OCIAD1: variants seen among roughly 807,000 people sequenced by gnomAD.
OCIAD1 encodes OCIA domain containing 1.
In OCIAD1, 29 loss-of-function variants were observed where a neutral mutation model predicts 38.9. The ratio of observed to expected loss-of-function variants is 0.74; its 90% CI spans 0.55 to 1.02. The LOEUF is 1.02. OCIAD1 is among the 50% of genes least tolerant of loss of function. The pLI is 0.00. For synonymous variants in OCIAD1, 110 were observed against 92.0 expected (o/e 1.20, Z -1.12); for missense variants, 288 against 289.6 (o/e 0.99, Z 0.04).
intron 6 of OCIAD1, among the ~76,000 whole-genome samples, chr4:48,851,168 G>GA (rs1417193216): frequency 6.6e-6 from 1 of 152,170 alleles, no homozygotes; most frequent in Non-Finnish European, 1.5e-5. Flanking sequence ...ATTGACATGG[G>GA]AAACGGGCAT....
At position 48,832,648 on chromosome 4, in the gene OCIAD1, A is replaced by G. The variant is rs1342180691; in HGVS notation, c.24A>G (p.Arg8=). 10 of 1,613,346 alleles carry G rather than the reference A, an allele frequency of 6.2e-6. No homozygotes were observed. Among genetic ancestry groups the G allele is most frequent in the Non-Finnish European group, 8.5e-6 (10 of 1,179,404 alleles). The change falls in exon 2 of 9, where the codon CGA becomes CGG. Residue 8 remains arginine, a synonymous_variant. Coordinates refer to ENST00000264312, the MANE Select transcript of OCIAD1 (RefSeq NM_017830.4). ...AGATGAATGGGAGGGCTGATTTTCG[A>G]GAGCCGAATGCAGAGGTTCCAAGAC... MNGRADF[R]EPNAEVPRPI...
chr4:48,809,274 C>A (rs896717419), intron 1 of OCIAD1, among the ~76,000 whole-genome samples: 8 of 152,316 alleles, frequency 5.3e-5, no homozygotes, highest in Admixed American at 5.2e-4. Context: ...GTAATCCCAG[C>A]ATTTTGGGAG....
At chr4:48,850,336 G>T (rs1779327874) in intron 6 of OCIAD1, among the ~76,000 whole-genome samples, 1 of 152,168 alleles carries the variant, frequency 6.6e-6, no homozygotes, top group South Asian at 2.1e-4. Context: ...CTAGCTCACT[G>T]CAGCCTCAAA....
upstream of OCIAD1, among the ~76,000 whole-genome samples, chr4:48,829,586 G>T (rs1381990794): frequency 6.6e-6 from 1 of 152,084 alleles, no homozygotes; most frequent in African/African-American, 2.4e-5. Flanking sequence ...GAGTGACTGG[G>T]GTGCCATGTT....
intron 8 of OCIAD1, among the ~76,000 whole-genome samples, chr4:48,857,883 G>T (rs1780216489): frequency 6.6e-6 from 1 of 152,156 alleles, no homozygotes; most frequent in East Asian, 1.9e-4. Flanking sequence ...GCCAGGTGTG[G>T]TGTCTCATGC....
intron 3 of OCIAD1, among the ~76,000 whole-genome samples, chr4:48,837,866 A>AT (rs1329178838): frequency 6.6e-6 from 1 of 152,154 alleles, no homozygotes; most frequent in Non-Finnish European, 1.5e-5. Flanking sequence ...AACAATCTAA[A>AT]TAGCTGTGAC....
Position 48,858,314 on chromosome 4 carries a change from T to TA in OCIAD1, c.700+950dup, listed in dbSNP as rs568010179. On this transcript the variant is annotated intron_variant, in intron 8 of 8. Coordinates refer to ENST00000264312, the MANE Select transcript of OCIAD1 (RefSeq NM_017830.4). ...TCTGATAGTCTTATTTTCCTAATGA[T>TA]ACATCTATCGCATAAGTTGCTGTAG... Among the ~76,000 whole-genome samples, 15 of 152,354 alleles carry TA rather than the reference T, an allele frequency of 9.8e-5. No individual in the cohort carries two copies. The South Asian group carries it at 2.7e-3, about 27-fold the overall frequency.
At position 48,860,713 on chromosome 4, in the gene OCIAD1, CT is replaced by C. The variant is rs1560446229; in HGVS notation, c.701-6del. 5.1e-6 allele frequency: 8 copies of C among 1,570,820 alleles called. No individual in the cohort carries two copies. The highest frequency in any genetic ancestry group is 7.0e-6 in the Non-Finnish European group (8 of 1,142,546). Reference sequence around the variant, plus strand: ...TGCTTGGAATCATCAATTATTTATGCTTTTTTCCTAGTCAAAGTAAACAAGT... The same window carrying C: ...TGCTTGGAATCATCAATTATTTATGCTTTTTCCTAGTCAAAGTAAACAAGT... On this transcript the variant is annotated splice_polypyrimidine_tract_variant and intron_variant, in intron 8 of 8. Transcript: ENST00000264312.
chr4:48,809,971 G>A (rs1263111299), intron 1 of OCIAD1, among the ~76,000 whole-genome samples: 2 of 152,146 alleles, frequency 1.3e-5, no homozygotes, highest in Non-Finnish European at 2.9e-5. Flanking sequence ...CTAGCTCTGT[G>A]ACATTGAGTG....
At chr4:48,813,577 C>T (rs1021762905) in intron 1 of OCIAD1, among the ~76,000 whole-genome samples, 9 of 152,158 alleles carry the variant, frequency 5.9e-5, no homozygotes, top group East Asian at 1.9e-4. Context: ...TCACTTGAGC[C>T]GGGGAGGTGG....
intron 7 of OCIAD1, 137 bp from the exon 8 acceptor site, chr4:48,857,076 G>A (rs1227253692): frequency 4.8e-6 from 2 of 418,570 alleles, no homozygotes; most frequent in Non-Finnish European, 8.6e-6. Flanking sequence ...TATAGTACCT[G>A]TGAAATGGTG....
intron 3 of OCIAD1, among the ~76,000 whole-genome samples, chr4:48,838,837 A>G (rs1238231838): frequency 1.3e-5 from 2 of 152,178 alleles, no homozygotes; most frequent in Non-Finnish European, 2.9e-5. Flanking sequence ...CCTTAAGATA[A>G]CTATGTTTCT....
chr4:48,843,103 A>C (rs897346222), intron 4 of OCIAD1, among the ~76,000 whole-genome samples: 1 of 152,208 alleles, frequency 6.6e-6, no homozygotes, highest in African/African-American at 2.4e-5. Context: ...GCTTTGTCTG[A>C]TCACCTGGGG....
upstream of OCIAD1, among the ~76,000 whole-genome samples, chr4:48,827,788 G>A (rs1777264888): frequency 1.3e-5 from 2 of 152,238 alleles, no homozygotes; most frequent in Admixed American, 6.5e-5. Context: ...TGGGACTGGC[G>A]GGTAGCTCCA....
chr4:48,806,421 T>C (rs1160000240), intron 1 of OCIAD1, among the ~76,000 whole-genome samples: 1 of 152,192 alleles, frequency 6.6e-6, no homozygotes. Context: ...GATTTTTTTT[T>C]CTTTTTCTCT....
At chr4:48,814,534 C>T (rs1275843863) in intron 1 of OCIAD1, among the ~76,000 whole-genome samples, 2 of 151,938 alleles carry the variant, frequency 1.3e-5, no homozygotes, top group East Asian at 3.9e-4. Context: ...ACAACAGCAT[C>T]GATTAGAGCT....
intron 1 of OCIAD1, among the ~76,000 whole-genome samples, chr4:48,808,461 C>A (rs1226513888): frequency 6.6e-5 from 10 of 151,648 alleles, no homozygotes; most frequent in African/African-American, 2.4e-4. Flanking sequence ...CAGGGTGAGA[C>A]CTTACTTCCA....
At chr4:48,853,200 A>C (rs2712159) in intron 7 of OCIAD1, among the ~76,000 whole-genome samples, 63,182 of 151,858 alleles carry the variant, frequency 0.42, 14,501 homozygotes, top group Admixed American at 0.58. Flanking sequence ...TTTAATAATT[A>C]AACTGGTAAT....
chr4:48,821,697 G>C lies in OCIAD1; in HGVS notation c.-102-8880G>C, dbSNP rs1374403552. 2.8e-4 allele frequency among the ~76,000 whole-genome samples: 42 copies of C among 152,082 alleles called. 1 individual carries two copies. The highest frequency in any genetic ancestry group is 1.0e-3 in the African/African-American group (42 of 41,432). On this transcript the variant is annotated intron_variant, in intron 1 of 6. Transcript: ENST00000504654. ...AGCTGATAAGCAACTTCAGCAAAGT[G>C]TCAGGATACAAAATCAATGTGCAAA...
Sources: allele counts gnomAD v4.1 joint callset (sites outside exome capture counted in the v4.1 genomes callset), GRCh38; gene constraint gnomAD v4.1.1; transcripts MANE v1.5; gene names NCBI Gene and HGNC (gene_info 2026-07-23, HGNC 2026-07-21).